The following SPRED2 variants were observed in gnomAD, a reference collection of about 807,000 sequenced individuals.
The protein encoded by SPRED2 is sprouty-related, EVH1 domain-containing protein 2.
In SPRED2, 47 loss-of-function variants were observed where a neutral mutation model predicts 43.0. The observed-to-expected ratio is 1.09, with a 90% confidence interval of 0.87 to 1.40. The LOEUF is 1.40. Among genes scored for constraint, SPRED2 ranks in the 40% most tolerant of loss-of-function variants. The pLI, the probability that SPRED2 is intolerant of heterozygous loss-of-function variation, is 0.00. For synonymous variants in SPRED2, 225 were observed against 225.7 expected, an observed-to-expected ratio of 1.00 and a Z score of 0.03; for missense variants, 561 against 586.4, an observed-to-expected ratio of 0.96 and a Z score of 0.45.
intron 1 of SPRED2, among the ~76,000 whole-genome samples, chr2:65,346,183 C>A (rs1232556875): frequency 6.6e-6 from 1 of 152,128 alleles, no homozygotes; most frequent in Non-Finnish European, 1.5e-5. Flanking sequence ...TCACCTCACT[C>A]ACCGCTAAAG....
chr2:65,350,185 G>C (rs1009515243), intron 1 of SPRED2, among the ~76,000 whole-genome samples: 1 of 152,174 alleles, frequency 6.6e-6, no homozygotes, highest in Non-Finnish European at 1.5e-5. Context: ...AACAACATCT[G>C]TTTAAAACAG....
At chr2:65,386,987 T>C (rs1027835522) in intron 1 of SPRED2, among the ~76,000 whole-genome samples, 3 of 152,068 alleles carry the variant, frequency 2.0e-5, no homozygotes, top group Non-Finnish European at 2.9e-5. Flanking sequence ...GAGCTTTTTT[T>C]TTTTTTTTAA....
Position 65,312,906 on chromosome 2 carries a change from AAAGTT to A in SPRED2, c.*590_*594del. On this transcript the variant is annotated 3_prime_UTR_variant, in exon 6 of 6. Coordinates refer to ENST00000356388, the MANE Select transcript of SPRED2 (RefSeq NM_181784.3). ...CTTACATGGGAAATTTGGCTTTAGA[AAAGTT>A]AAAGCGATATTGTTTTGTGGTACAA... 5.1e-6 allele frequency: 5 copies of A among 985,888 alleles called. No homozygotes were observed. The highest frequency in any genetic ancestry group is 6.0e-6 in the Non-Finnish European group (5 of 829,950). 61.1% of individuals were successfully genotyped at this position (985,888 alleles called of 1,614,324 possible). A position where few individuals can be genotyped will look rare whatever the true frequency, so the allele number is the denominator to read the frequency against.
At chr2:65,421,942 A>G (rs1308494043) in intron 1 of SPRED2, among the ~76,000 whole-genome samples, 1 of 152,208 alleles carries the variant, frequency 6.6e-6, no homozygotes, top group African/African-American at 2.4e-5. Flanking sequence ...GTTAAAAATA[A>G]CAAATCCTGC....
At chr2:65,319,665 TC>T (rs1673355467) in intron 4 of SPRED2, among the ~76,000 whole-genome samples, 1 of 152,132 alleles carries the variant, frequency 6.6e-6, no homozygotes, top group African/African-American at 2.4e-5. Context: ...CCAGGTTCCC[TC>T]CTCTTCCTCA....
chr2:65,389,618 A>G (rs1675585475), intron 1 of SPRED2, among the ~76,000 whole-genome samples: 1 of 152,220 alleles, frequency 6.6e-6, no homozygotes, highest in Non-Finnish European at 1.5e-5. Context: ...TGGTGCTTCT[A>G]CCTCATGAGT....
intron 1 of SPRED2, among the ~76,000 whole-genome samples, chr2:65,411,217 A>G (rs1047238094): frequency 6.6e-6 from 1 of 152,174 alleles, no homozygotes; most frequent in Non-Finnish European, 1.5e-5. Flanking sequence ...CTTTTGAGGA[A>G]TTACTTTGTG....
At chr2:65,391,810 C>G (rs1363483836) in intron 1 of SPRED2, among the ~76,000 whole-genome samples, 15 of 152,132 alleles carry the variant, frequency 9.9e-5, no homozygotes, top group Non-Finnish European at 2.2e-4. Flanking sequence ...AAAATGTTCC[C>G]TCACCAAAAC....
rs1668886355 is a variant in SPRED2 at position 65,432,131 on chromosome 2, CAGA to C, written c.-147_-145del. ...GCTAGAGATGAAGAGGGCGCCGCAG[CAGA>C]AGGGGAAGCAGGGCGCGGGATAGGG... On this transcript the variant is annotated 5_prime_UTR_variant, in exon 1 of 6. Coordinates refer to ENST00000356388, the MANE Select transcript of SPRED2 (RefSeq NM_181784.3). 9.6e-7 allele frequency: 1 copy of C among 1,046,710 alleles called. No individual in the cohort carries two copies. Among genetic ancestry groups the C allele is most frequent in the Non-Finnish European group, 1.4e-6 (1 of 700,340 alleles). The allele number at this position is 1,046,710 out of a possible 1,614,324, so 64.8% of individuals were successfully genotyped here. A position where few individuals can be genotyped will look rare whatever the true frequency, so the allele number is the denominator to read the frequency against.
Position 65,332,005 on chromosome 2 carries a change from G to A in SPRED2, c.420C>T (p.Gly140=). 1.9e-6 allele frequency: 3 copies of A among 1,608,776 alleles called. No individual in the cohort carries two copies. Among genetic ancestry groups the A allele is most frequent in the African/African-American group, 1.3e-5 (1 of 74,914 alleles). Residue 140 remains glycine, a synonymous_variant, in exon 4 of 6, where the codon GGC becomes GGT. Transcript: ENST00000356388. ...AACTTACTGTAAAAACGTCATCATCGCCAAGCTCAGCTTCATTATGGATGG... is the reference window on the plus strand; with the variant it reads ...AACTTACTGTAAAAACGTCATCATCACCAAGCTCAGCTTCATTATGGATGG... The part of the protein sequence containing the change: ...SSTIHNEAEL[G]DDDVFTTATD...
At chr2:65,349,405 T>C (rs931734148) in intron 1 of SPRED2, among the ~76,000 whole-genome samples, 7 of 151,316 alleles carry the variant, frequency 4.6e-5, no homozygotes, top group African/African-American at 1.7e-4. Flanking sequence ...TCCAACCCCA[T>C]TTATTTAAAA....
intron 1 of SPRED2, among the ~76,000 whole-genome samples, chr2:65,391,134 T>C (rs36188795): frequency 0.11 from 15,592 of 148,402 alleles, 1,244 homozygotes; most frequent in Non-Finnish European, 0.16. Context: ...ACAGGCCCCA[T>C]GAGCTTGTCA....
At chr2:65,349,477 C>G (rs1192948746) in intron 1 of SPRED2, among the ~76,000 whole-genome samples, 1 of 152,142 alleles carries the variant, frequency 6.6e-6, no homozygotes. Context: ...GTGTGCAACA[C>G]AGCTTTCTCA....
intron 1 of SPRED2, among the ~76,000 whole-genome samples, chr2:65,382,440 T>C (rs1360466405): frequency 1.3e-5 from 2 of 152,142 alleles, no homozygotes; most frequent in African/African-American, 4.8e-5. Flanking sequence ...AGTCTAGGGT[T>C]AGGGCTGGGT....
At chr2:65,308,921 G>C (rs544911903), downstream of SPRED2, among the ~76,000 whole-genome samples, 2 of 152,260 alleles carry the variant, frequency 1.3e-5, no homozygotes, top group East Asian at 3.9e-4. Context: ...GGGAGGCCAA[G>C]GTGGGTGGAT....
chr2:65,355,574 C>G (rs899079372), intron 1 of SPRED2, among the ~76,000 whole-genome samples: 4 of 152,000 alleles, frequency 2.6e-5, no homozygotes, highest in African/African-American at 4.8e-5. Flanking sequence ...AAAAAGTAGC[C>G]GGGCATGGTG....
Position 65,314,117 on chromosome 2 carries a change from A to G in SPRED2, c.641T>C (p.Ile214Thr). The G allele has an allele frequency of 6.2e-7, 1 of 1,609,134 alleles. No individual in the cohort carries two copies. The highest frequency in any genetic ancestry group is 8.5e-7 in the Non-Finnish European group (1 of 1,176,152). ...QVSFPDDDEEIVRINPREKIW... is the reference protein window; with the variant it reads ...QVSFPDDDEETVRINPREKIW... ...CTTCTCCCGGGGGTTGATGCGCACG[A>G]TCTCCTCGTCGTCGTCCGGGAAGCT... The change falls in exon 6 of 6, where the codon ATC (isoleucine) becomes ACC (threonine). Residue 214 changes from isoleucine (I) to threonine (T), a missense_variant. Physicochemically the swap from Ile to Thr is moderately conservative, Grantham distance 89. This residue lies in a region of SPRED2 where 15 missense variants were observed against 35.4 expected (regional missense o/e 0.42). Coordinates refer to ENST00000356388, the MANE Select transcript of SPRED2 (RefSeq NM_181784.3).
In SPRED2 at chr2:65,432,200, A is replaced by G; in HGVS notation, c.-213T>C. On this transcript the variant is annotated 5_prime_UTR_variant, in exon 1 of 6. Coordinates refer to ENST00000356388, the MANE Select transcript of SPRED2 (RefSeq NM_181784.3). ...GCAAAGGCAGGCTGCGCGGGGAGTGAACGCCGCAGCGCCGTGGGGAGAGGC... is the reference window on the plus strand; with the variant it reads ...GCAAAGGCAGGCTGCGCGGGGAGTGGACGCCGCAGCGCCGTGGGGAGAGGC... 1 of 609,858 alleles carries G rather than the reference A, an allele frequency of 1.6e-6. No homozygotes were observed. The highest frequency in any genetic ancestry group is 2.9e-6 in the Non-Finnish European group (1 of 343,550). The allele number at this position is 609,858 out of a possible 1,614,324, so 37.8% of individuals were successfully genotyped here. A position where few individuals can be genotyped will look rare whatever the true frequency, so the allele number is the denominator to read the frequency against.
chr2:65,365,574 T>C (rs1674947932), intron 1 of SPRED2, among the ~76,000 whole-genome samples: 1 of 152,248 alleles, frequency 6.6e-6, no homozygotes. Context: ...GATTTACTGC[T>C]ATACACTGGG....
Sources: gnomAD v4.1 joint callset for allele counts (sites outside exome capture counted in the v4.1 genomes callset) on GRCh38, gnomAD v4.1.1 for gene constraint, gnomAD v4.1.1 regional missense constraint, MANE v1.5 for transcripts, NCBI Gene and HGNC (gene_info 2026-07-23, HGNC 2026-07-21) for gene names.